The following IGF1R variants were observed in gnomAD, a reference collection of about 807,000 sequenced individuals.
IGF1R encodes the protein insulin like growth factor 1 receptor.
A neutral mutation model predicts 144.6 loss-of-function variants in IGF1R; 44 were observed. The observed-to-expected ratio is 0.30, with a 90% CI of 0.24 to 0.39. The LOEUF (loss-of-function observed/expected upper bound fraction) is 0.39. Ranked by LOEUF, IGF1R falls within the 10% of genes least tolerant of loss-of-function variation. IGF1R has a pLI of 1.00. For synonymous variants in IGF1R, 795 were observed against 722.8 expected (o/e 1.10, Z -1.60); for missense variants, 1,355 against 1,833.7 (o/e 0.74, Z 4.77).
At chr15:98,784,712 CAG>C (rs1351970252) in intron 2 of IGF1R, among the ~76,000 whole-genome samples, 1 of 151,738 alleles carries the variant, frequency 6.6e-6, no homozygotes, top group Non-Finnish European at 1.5e-5. Context: ...GGGGGAAAAA[CAG>C]TAAAAAAAAA....
chr15:98,747,971 A>G (rs1047786169), intron 2 of IGF1R, among the ~76,000 whole-genome samples: 1 of 152,198 alleles, frequency 6.6e-6, no homozygotes, highest in Non-Finnish European at 1.5e-5. Flanking sequence ...TCGTTAGGCC[A>G]AAGATTTCGG....
rs549196139 is a variant in IGF1R at position 98,763,564 on chromosome 15, T to TTG, written c.640+55459_640+55460dup. On this transcript the variant is annotated intron_variant, in intron 2 of 20. Coordinates refer to ENST00000650285, the MANE Select transcript of IGF1R (RefSeq NM_000875.5). Reference sequence around the variant, plus strand: ...CCCATCTCTCCTTATTGGTGAGGCATTGTAAACCGTGTTAACAGGTAGCAT... The same window carrying TTG: ...CCCATCTCTCCTTATTGGTGAGGCATTGTGTAAACCGTGTTAACAGGTAGCAT... Among the ~76,000 whole-genome samples the TTG allele has an allele frequency of 7.2e-5, 11 of 152,154 alleles. No individual in the cohort carries two copies. The South Asian group carries it at 2.3e-3, about 32-fold the overall frequency.
At chr15:98,789,738 G>A (rs1038783478) in intron 2 of IGF1R, among the ~76,000 whole-genome samples, 8 of 152,124 alleles carry the variant, frequency 5.3e-5, no homozygotes, top group Non-Finnish European at 1.2e-4. Context: ...GCTATACAGG[G>A]CATGTGTTCT....
At chr15:98,924,041 C>T (rs2015604665) in intron 12 of IGF1R, 29 bp downstream of exon 12, 3 of 1,606,062 alleles carry the variant, frequency 1.9e-6, no homozygotes, top group South Asian at 2.2e-5. Flanking sequence ...CCCGTGCCTG[C>T]ATGTACTTCC....
chr15:98,886,477 G>A (rs950554043), intron 2 of IGF1R, among the ~76,000 whole-genome samples: 5 of 152,054 alleles, frequency 3.3e-5, no homozygotes, highest in Non-Finnish European at 7.4e-5. Flanking sequence ...GGATCTCATG[G>A]GCAAAATCAG....
intron 1 of IGF1R, among the ~76,000 whole-genome samples, chr15:98,684,867 T>C (rs2053284920): frequency 6.6e-6 from 1 of 152,054 alleles, no homozygotes; most frequent in South Asian, 2.1e-4. Flanking sequence ...TGTTTGAAAC[T>C]TTGTGAGGAG....
At chr15:98,776,285 A>G (rs2141382112) in intron 2 of IGF1R, among the ~76,000 whole-genome samples, 1 of 151,566 alleles carries the variant, frequency 6.6e-6, no homozygotes, top group East Asian at 2.0e-4. Flanking sequence ...CCCGGGTTCC[A>G]GCAATTCTCC....
intron 2 of IGF1R, among the ~76,000 whole-genome samples, chr15:98,884,585 A>G (rs1049882788): frequency 6.7e-6 from 1 of 149,364 alleles, no homozygotes; most frequent in South Asian, 2.1e-4. Context: ...TCCCAGCTAC[A>G]GGAGAATGGC....
intron 15 of IGF1R, among the ~76,000 whole-genome samples, 162 bp from the exon 16 acceptor site, chr15:98,934,662 T>C (rs1287149098): frequency 6.6e-6 from 1 of 152,204 alleles, no homozygotes; most frequent in Admixed American, 6.5e-5. Flanking sequence ...CTCAAATCTA[T>C]AGCATGTGGA....
chr15:98,748,336 T>C (rs1166008864), intron 2 of IGF1R, among the ~76,000 whole-genome samples: 2 of 151,984 alleles, frequency 1.3e-5, no homozygotes, highest in Non-Finnish European at 2.9e-5. Context: ...CCAGCAAATT[T>C]ATTATTATTA....
chr15:98,730,516 C>G (rs1200175074), intron 2 of IGF1R, among the ~76,000 whole-genome samples: 1 of 152,174 alleles, frequency 6.6e-6, no homozygotes, highest in East Asian at 1.9e-4. Flanking sequence ...TGGCTCTCAG[C>G]TGAGTGCCCC....
rs1425880658 is a variant in IGF1R, at chr15:98,930,283, G to A, written c.2934G>A (p.Pro978=). The change falls in exon 15 of 21, where the codon CCG becomes CCA. Residue 978 remains proline (P), a synonymous_variant. Transcript: ENST00000650285. ...GNGVLYASVN[P]EYFSAADVYV... The stretch of plus-strand genomic sequence containing the variant: ...GAGTGCTGTATGCCTCTGTGAACCC[G>A]GAGTACTTCAGCGCTGCTGATGGTA... 1.9e-6 allele frequency: 3 copies of A among 1,612,908 alleles called. No homozygotes were observed. Among genetic ancestry groups the A allele is most frequent in the African/African-American group, 1.3e-5 (1 of 74,924 alleles).
In IGF1R at chr15:98,958,060, C is replaced by G; in HGVS notation, c.*618C>G. The G allele has an allele frequency of 4.3e-6, 1 of 234,222 alleles. No homozygotes were observed. The highest frequency in any genetic ancestry group is 8.4e-6 in the Non-Finnish European group (1 of 118,462). The allele number at this position is 234,222 out of a possible 1,614,324, so 14.5% of individuals were successfully genotyped here. ...AATCCTGAACTTTCTCCCTCATCGGCCCGGCGCTGATTCCTCGTGTCCGGA... is the reference window on the plus strand; with the variant it reads ...AATCCTGAACTTTCTCCCTCATCGGGCCGGCGCTGATTCCTCGTGTCCGGA... On this transcript the variant is annotated 3_prime_UTR_variant, in exon 21 of 21. Transcript: ENST00000650285.
chr15:98,936,521 G>A (rs1189910653), intron 17 of IGF1R, among the ~76,000 whole-genome samples: 1 of 152,026 alleles, frequency 6.6e-6, no homozygotes, highest in Non-Finnish European at 1.5e-5. Context: ...TGCTTACTGG[G>A]TAAGCAGTGT....
In IGF1R at chr15:98,962,373, C is replaced by T; in HGVS notation, c.*4931C>T. ...AGCTGTCTTCATTTCCTGGGCTAAG[C>T]AGCATTGGGAGATGTGGACCAGAGA... On this transcript the variant is annotated 3_prime_UTR_variant, in exon 21 of 21. Coordinates refer to ENST00000650285, the MANE Select transcript of IGF1R (RefSeq NM_000875.5). 4.3e-6 allele frequency: 1 copy of T among 233,594 alleles called. No individual in the cohort carries two copies. 14.5% of individuals were successfully genotyped at this position (233,594 alleles called of 1,614,324 possible).
intron 2 of IGF1R, among the ~76,000 whole-genome samples, chr15:98,770,803 G>A (rs978386333): frequency 6.6e-6 from 1 of 152,088 alleles, no homozygotes; most frequent in Non-Finnish European, 1.5e-5. Context: ...ATCTAAGTTG[G>A]AATTCCTTTC....
chr15:98,777,943 C>A (rs2055759892), intron 2 of IGF1R, among the ~76,000 whole-genome samples: 1 of 152,198 alleles, frequency 6.6e-6, no homozygotes, highest in Non-Finnish European at 1.5e-5. Context: ...TAAAACCTTA[C>A]AGTATAAAGA....
intron 18 of IGF1R, among the ~76,000 whole-genome samples, chr15:98,942,596 C>T (rs2016406706): frequency 6.6e-6 from 1 of 152,216 alleles, no homozygotes; most frequent in African/African-American, 2.4e-5. Context: ...GTCGTGGCCT[C>T]CCAAAGTGCT....
intron 2 of IGF1R, among the ~76,000 whole-genome samples, chr15:98,802,689 G>C (rs2056387504): frequency 6.6e-6 from 1 of 152,184 alleles, no homozygotes; most frequent in South Asian, 2.1e-4. Context: ...TATTTGTCTA[G>C]CATCATTGAA....
Sources: gnomAD v4.1 joint callset for allele counts (sites outside exome capture counted in the v4.1 genomes callset) on GRCh38, gnomAD v4.1.1 for gene constraint, MANE v1.5 for transcripts, NCBI Gene and HGNC (gene_info 2026-07-23, HGNC 2026-07-21) for gene names.